HMGB1: variants seen among roughly 807,000 people sequenced by gnomAD.
The protein encoded by HMGB1 is high mobility group box 1, also known as high mobility group protein B1.
For synonymous variants in HMGB1, 81 were observed against 84.0 expected (o/e 0.96, Z 0.19); for missense variants, 79 against 253.5 (o/e 0.31, Z 4.67).
intron 1 of HMGB1, among the ~76,000 whole-genome samples, chr13:30,570,524 C>T (rs140453526): frequency 6.6e-6 from 1 of 152,312 alleles, no homozygotes; most frequent in Non-Finnish European, 1.5e-5. Flanking sequence ...CAATTTGCAT[C>T]CACACGCTGA....
At chr13:30,608,358 A>C (rs1001158714) in intron 1 of HMGB1, among the ~76,000 whole-genome samples, 1 of 152,246 alleles carries the variant, frequency 6.6e-6, no homozygotes, top group African/African-American at 2.4e-5. Context: ...TTGTAACTTC[A>C]TAACTTATTT....
At chr13:30,561,969 A>G (rs1869971218) in intron 1 of HMGB1, among the ~76,000 whole-genome samples, 1 of 152,168 alleles carries the variant, frequency 6.6e-6, no homozygotes, top group African/African-American at 2.4e-5. Context: ...CAGGTAAAGG[A>G]CTGCATCATC....
chr13:30,493,114 CA>C, intron 1 of HMGB1, among the ~76,000 whole-genome samples: 1 of 151,788 alleles, frequency 6.6e-6, no homozygotes, highest in Middle Eastern at 3.4e-3. Flanking sequence ...ACTTGTACAG[CA>C]ATGTTCATTG....
Position 30,559,397 on chromosome 13 carries a change from G to T in HMGB1, c.-15+57274C>A, listed in dbSNP as rs929057733. 1.3e-5 allele frequency among the ~76,000 whole-genome samples: 2 copies of T among 152,136 alleles called. No homozygotes were observed. The highest frequency in any genetic ancestry group is 4.8e-5 in the African/African-American group (2 of 41,414). On this transcript the variant is annotated intron_variant, in intron 1 of 4. Transcript: ENST00000405805. This position sits in a 1 kb window ranked among gnomAD's most constrained non-coding sequence, Gnocchi z 6.6. ...TAAGATGGCCCGAGTTTCATTGCTG[G>T]TTTACTAGTTTTGCTTCCTTGGGCA... is the stretch of plus-strand genomic sequence containing the variant.
At chr13:30,606,803 AATGTTTAG>A (rs1383425977) in intron 1 of HMGB1, among the ~76,000 whole-genome samples, 7 of 152,236 alleles carry the variant, frequency 4.6e-5, no homozygotes, top group Non-Finnish European at 1.0e-4. Flanking sequence ...AATTCCAAAG[AATGTTTAG>A]GCATTGTCAG....
chr13:30,546,404 G>A (rs1869160982), intron 1 of HMGB1, among the ~76,000 whole-genome samples: 1 of 152,006 alleles, frequency 6.6e-6, no homozygotes, highest in African/African-American at 2.4e-5. Flanking sequence ...GTGAGCCACT[G>A]AGCCCGGCCA....
At chr13:30,609,758 C>T (rs919011950) in intron 1 of HMGB1, among the ~76,000 whole-genome samples, 4 of 152,114 alleles carry the variant, frequency 2.6e-5, no homozygotes, top group East Asian at 1.9e-4. Context: ...TTCCCCAACC[C>T]GAATCCCCAA....
intron 1 of HMGB1, among the ~76,000 whole-genome samples, chr13:30,492,851 C>A (rs1004396897): frequency 6.6e-6 from 1 of 151,766 alleles, no homozygotes; most frequent in East Asian, 1.9e-4. Flanking sequence ...ATTAGCTGGG[C>A]GTGGTAGCGT....
intron 1 of HMGB1, among the ~76,000 whole-genome samples, chr13:30,485,463 C>G (rs868518663): frequency 4.6e-5 from 7 of 152,352 alleles, no homozygotes; most frequent in Middle Eastern, 3.4e-3. Flanking sequence ...ATCACAAAGC[C>G]ACCAAACTGT....
chr13:30,560,048 G>A (rs1869881662), intron 1 of HMGB1, among the ~76,000 whole-genome samples: 2 of 152,108 alleles, frequency 1.3e-5, no homozygotes, highest in Admixed American at 1.3e-4. Flanking sequence ...ACAGTGATTT[G>A]TGTAATTATT....
chr13:30,487,573 T>C (rs934349143), intron 1 of HMGB1, among the ~76,000 whole-genome samples: 1 of 152,230 alleles, frequency 6.6e-6, no homozygotes, highest in Non-Finnish European at 1.5e-5. Context: ...ACATACAGTA[T>C]GTCTTTTCCT....
At chr13:30,598,109 T>A (rs1304165773) in intron 1 of HMGB1, among the ~76,000 whole-genome samples, 1 of 152,192 alleles carries the variant, frequency 6.6e-6, no homozygotes, top group Admixed American at 6.5e-5. Flanking sequence ...AAATTACTTG[T>A]GACTATCAAT....
chr13:30,471,084 T>A (rs1886913070), intron 1 of HMGB1, among the ~76,000 whole-genome samples: 1 of 152,034 alleles, frequency 6.6e-6, no homozygotes, highest in Admixed American at 6.6e-5. Context: ...GTTCAAGCAG[T>A]TCTTCTGCCT....
chr13:30,553,880 T>A, intron 1 of HMGB1: 2 of 1,337,666 alleles, frequency 1.5e-6, no homozygotes, highest in Non-Finnish European at 2.1e-6. Context: ...ATTATATTAA[T>A]GCCAGCTTAG....
At chr13:30,471,329 G>T (rs1483782588) in intron 1 of HMGB1, among the ~76,000 whole-genome samples, 2 of 151,880 alleles carry the variant, frequency 1.3e-5, no homozygotes, top group African/African-American at 4.8e-5. Flanking sequence ...CCAATGGTTG[G>T]TTTTTTTGTT....
chr13:30,538,766 T>C (rs2137498480), intron 1 of HMGB1, among the ~76,000 whole-genome samples: 5 of 145,616 alleles, frequency 3.4e-5, no homozygotes, highest in African/African-American at 7.8e-5. Flanking sequence ...TTTCTCTTTC[T>C]CTCTCTCTTT....
intron 1 of HMGB1, among the ~76,000 whole-genome samples, chr13:30,546,920 T>C (rs1336425508): frequency 1.3e-5 from 2 of 152,200 alleles, no homozygotes; most frequent in Non-Finnish European, 2.9e-5. Flanking sequence ...AACACACACA[T>C]TTGTAGGTGT....
At chr13:30,510,544 T>C (rs1887969504) in intron 1 of HMGB1, among the ~76,000 whole-genome samples, 1 of 152,222 alleles carries the variant, frequency 6.6e-6, no homozygotes, top group Non-Finnish European at 1.5e-5. Flanking sequence ...ATGATTTTTT[T>C]TTTCCATCCT....
intron 1 of HMGB1, among the ~76,000 whole-genome samples, chr13:30,584,126 TA>T (rs1871040540): frequency 6.6e-6 from 1 of 151,806 alleles, no homozygotes; most frequent in East Asian, 1.9e-4. Flanking sequence ...AATAAATAAA[TA>T]AACCCAAATC....
Sources: gnomAD v4.1 joint callset for allele counts (sites outside exome capture counted in the v4.1 genomes callset) on GRCh38, gnomAD v4.1.1 for gene constraint, Gnocchi (gnomAD v3.1) non-coding constraint, MANE v1.5 for transcripts, NCBI Gene and HGNC (gene_info 2026-07-23, HGNC 2026-07-21) for gene names.